The following SYN3 variants were observed in gnomAD, a reference collection of about 807,000 sequenced individuals.
SYN3 encodes synapsin III.
A neutral mutation model predicts 65.8 loss-of-function variants in SYN3; 35 were observed. The observed-to-expected ratio is 0.53, with a 90% CI of 0.41 to 0.70. The LOEUF is 0.70. Ranked by LOEUF, SYN3 falls within the 30% of genes least tolerant of loss-of-function variation. The pLI is 0.00. For missense variants in SYN3, 680 were observed against 749.0 expected (o/e 0.91, Z 1.08); for synonymous variants, 270 against 292.9 (o/e 0.92, Z 0.80).
intron 6 of SYN3, among the ~76,000 whole-genome samples, chr22:32,751,449 C>A (rs148275980): frequency 6.6e-6 from 1 of 152,266 alleles, no homozygotes; most frequent in East Asian, 1.9e-4. Context: ...CCCCTGGGAT[C>A]TGGGGAGTCC....
Position 32,776,721 on chromosome 22 carries a change from T to C in SYN3, c.711+88194A>G, listed in dbSNP as rs188866558. Among the ~76,000 whole-genome samples, 13 of 152,320 alleles carry C rather than the reference T, an allele frequency of 8.5e-5. 1 individual carries two copies. In the East Asian group the frequency reaches 2.1e-3, roughly 25 times the overall value. On this transcript the variant is annotated intron_variant, in intron 6 of 13. Transcript: ENST00000358763. The stretch of plus-strand genomic sequence containing the variant: ...CTAAGTGGCTTATTCTGGGATCCTA[T>C]GAGGATCAGATGGGACAGAGGGCAT...
chr22:32,816,374 A>C (rs1405385336), intron 6 of SYN3, among the ~76,000 whole-genome samples: 1 of 152,198 alleles, frequency 6.6e-6, no homozygotes, highest in Non-Finnish European at 1.5e-5. Flanking sequence ...CAAATACTGA[A>C]AATGGGTCAT....
chr22:32,733,975 C>A (rs1247328242), intron 6 of SYN3, among the ~76,000 whole-genome samples: 1 of 142,484 alleles, frequency 7.0e-6, no homozygotes, highest in African/African-American at 2.6e-5. Context: ...AAAAGCCAGG[C>A]TGAGCCAAGC....
chr22:32,626,766 G>C (rs1030263682), intron 6 of SYN3, among the ~76,000 whole-genome samples: 2 of 152,224 alleles, frequency 1.3e-5, no homozygotes, highest in Admixed American at 6.5e-5. Flanking sequence ...GGTGCCCCGA[G>C]TGTGGAGGTG....
At chr22:33,046,658 T>C (rs746480592) in intron 1 of SYN3, among the ~76,000 whole-genome samples, 1 of 151,888 alleles carries the variant, frequency 6.6e-6, no homozygotes, top group Non-Finnish European at 1.5e-5. Context: ...CTGGCCAACA[T>C]GGTAAAACCC....
chr22:32,758,296 G>C (rs1435666541), intron 6 of SYN3, among the ~76,000 whole-genome samples: 1 of 152,066 alleles, frequency 6.6e-6, no homozygotes, highest in Non-Finnish European at 1.5e-5. Flanking sequence ...AAGTTAACAA[G>C]GGGTGGACTT....
intron 6 of SYN3, among the ~76,000 whole-genome samples, chr22:32,760,587 G>A (rs2045452160): frequency 6.6e-6 from 1 of 152,068 alleles, no homozygotes; most frequent in Admixed American, 6.6e-5. Flanking sequence ...GGCCCCCCGT[G>A]GGCAGAGCTC....
chr22:32,540,700 C>G (rs1303443429), intron 8 of SYN3, among the ~76,000 whole-genome samples: 1 of 152,208 alleles, frequency 6.6e-6, no homozygotes, highest in Non-Finnish European at 1.5e-5. Context: ...GCATTCTTTC[C>G]TTTTCCTCTA....
chr22:32,611,085 C>T (rs1168691064), intron 6 of SYN3, among the ~76,000 whole-genome samples: 5 of 152,172 alleles, frequency 3.3e-5, no homozygotes, highest in Non-Finnish European at 7.3e-5. Flanking sequence ...ACTTTGGCAA[C>T]GCCCTGGATC....
chr22:32,539,673 C>T (rs539490473), intron 8 of SYN3, among the ~76,000 whole-genome samples: 1 of 152,114 alleles, frequency 6.6e-6, no homozygotes, highest in African/African-American at 2.4e-5. Flanking sequence ...CTGACATGAA[C>T]CCCCTCCTTT....
intron 4 of SYN3, among the ~76,000 whole-genome samples, chr22:32,880,904 C>T (rs970121609): frequency 1.3e-5 from 2 of 152,366 alleles, no homozygotes; most frequent in East Asian, 3.9e-4. Context: ...CACCCAGGGG[C>T]TGCTGAGATG....
intron 12 of SYN3, among the ~76,000 whole-genome samples, chr22:32,521,430 C>T (rs1022101669): frequency 6.9e-6 from 1 of 145,860 alleles, no homozygotes; most frequent in Non-Finnish European, 1.5e-5. Flanking sequence ...GATGTTTAAG[C>T]AACACCTCTT....
intron 6 of SYN3, among the ~76,000 whole-genome samples, chr22:32,807,421 T>G (rs1490568243): frequency 8.4e-6 from 1 of 119,620 alleles, no homozygotes; most frequent in Non-Finnish European, 1.7e-5. Flanking sequence ...TTTACATATA[T>G]ATTATATATA....
rs148317208 is a variant in SYN3 at position 32,758,606 on chromosome 22, C to T, written c.711+106309G>A. Among the ~76,000 whole-genome samples, 1,424 of 143,334 alleles carry T rather than the reference C, an allele frequency of 9.9e-3. 25 individuals carry two copies. The highest frequency in any genetic ancestry group is 0.034 in the African/African-American group (1,340 of 39,216). 94.0% of individuals were successfully genotyped at this position (143,334 alleles called of 152,430 possible). A position where few individuals can be genotyped will look rare whatever the true frequency, so the allele number is the denominator to read the frequency against. Reference sequence around the variant, plus strand: ...TTCAGTTTTGAGCCTCAGACTGGCTCTCCTTGCTCCTCAAGCTTGCAGACA... The same window carrying T: ...TTCAGTTTTGAGCCTCAGACTGGCTTTCCTTGCTCCTCAAGCTTGCAGACA... On this transcript the variant is annotated intron_variant, in intron 6 of 13. Transcript: ENST00000358763.
intron 3 of SYN3, among the ~76,000 whole-genome samples, chr22:32,974,476 C>T (rs561716320): frequency 6.6e-6 from 1 of 152,234 alleles, no homozygotes; most frequent in African/African-American, 2.4e-5. Flanking sequence ...CTATCAGAGA[C>T]CTTTCTTCCT....
At chr22:32,593,327 C>T (rs921855998) in intron 7 of SYN3, among the ~76,000 whole-genome samples, 1 of 107,044 alleles carries the variant, frequency 9.3e-6, no homozygotes, top group Non-Finnish European at 1.8e-5. Flanking sequence ...AGTTTCTCAT[C>T]TCTTTATTTC....
intron 6 of SYN3, among the ~76,000 whole-genome samples, chr22:32,602,729 A>AGG: frequency 6.6e-6 from 1 of 152,084 alleles, no homozygotes; most frequent in East Asian, 1.9e-4. Flanking sequence ...CAAAGTGCTG[A>AGG]GATTACAGGC....
chr22:32,552,435 T>G (rs1344077881), intron 7 of SYN3, among the ~76,000 whole-genome samples: 1 of 151,132 alleles, frequency 6.6e-6, no homozygotes, highest in Non-Finnish European at 1.5e-5. Context: ...TTTTTTCTTT[T>G]TTTTTTTTTT....
intron 12 of SYN3, 22 bp from the exon 13 acceptor site, chr22:32,518,356 G>A (rs1456479761): frequency 1.9e-6 from 3 of 1,608,688 alleles, no homozygotes; most frequent in East Asian, 4.5e-5. Flanking sequence ...GAAAAAAAAA[G>A]GTTCAGTTCA....
Sources: allele counts gnomAD v4.1 joint callset (sites outside exome capture counted in the v4.1 genomes callset), GRCh38; gene constraint gnomAD v4.1.1; transcripts MANE v1.5; gene names NCBI Gene and HGNC (gene_info 2026-07-23, HGNC 2026-07-21).